FMNL2: variants seen among roughly 807,000 people sequenced by gnomAD.
FMNL2 encodes formin like 2, also known as formin-like protein 2.
FMNL2 carries 51 observed loss-of-function variants against 130.2 expected under a neutral mutation model. That is an observed-to-expected ratio of 0.39 (90% confidence interval 0.31 to 0.49). The LOEUF (loss-of-function observed/expected upper bound fraction) is 0.49. Among genes scored for constraint, FMNL2 ranks in the 20% least tolerant of loss-of-function variants. The pLI, the probability that FMNL2 is intolerant of heterozygous loss-of-function variation, is 0.85. For missense variants in FMNL2, 977 were observed against 1,316.2 expected (o/e 0.74, Z 3.99); for synonymous variants, 465 against 467.1 (o/e 1.00, Z 0.06).
At chr2:152,514,359 C>T (rs1263771220) in intron 1 of FMNL2, among the ~76,000 whole-genome samples, 1 of 152,168 alleles carries the variant, frequency 6.6e-6, no homozygotes, top group African/African-American at 2.4e-5. Context: ...CTTGGTCTCA[C>T]GCTACCCACT....
chr2:152,476,502 C>G (rs1034089963), intron 1 of FMNL2, among the ~76,000 whole-genome samples: 27 of 151,922 alleles, frequency 1.8e-4, no homozygotes, highest in African/African-American at 6.5e-4. Flanking sequence ...GAGACCCTGT[C>G]TCTATTTAAA....
At chr2:152,618,765 T>C (rs1699081008) in intron 13 of FMNL2, 81 bp from the exon 14 acceptor site, 1 of 1,264,372 alleles carries the variant, frequency 7.9e-7, no homozygotes, top group South Asian at 1.6e-5. Flanking sequence ...TTTTTTCTCT[T>C]TATCCTCAGT....
intron 1 of FMNL2, among the ~76,000 whole-genome samples, chr2:152,497,481 G>A (rs563064236): frequency 2.0e-5 from 3 of 152,054 alleles, no homozygotes; most frequent in African/African-American, 7.2e-5. Flanking sequence ...GTCAAATATT[G>A]TCACAGTTCT....
At position 152,575,504 on chromosome 2, in the gene FMNL2, T is replaced by C. The variant is rs148451777; in HGVS notation, c.705+260T>C. The stretch of plus-strand genomic sequence containing the variant: ...CTCTTTGGTTTCTTTGTATTATTTC[T>C]ATTTGAAGTAAATGCCAGGATTTAA... On this transcript the variant is annotated intron_variant, in intron 7 of 25. Transcript: ENST00000288670. Among the ~76,000 whole-genome samples, 416 of 152,334 alleles carry C rather than the reference T, an allele frequency of 2.7e-3. 3 individuals are homozygous for C. Among genetic ancestry groups the C allele is most frequent in the Non-Finnish European group, 4.5e-3 (304 of 68,036 alleles).
intron 1 of FMNL2, among the ~76,000 whole-genome samples, chr2:152,503,412 G>C (rs573637368): frequency 6.6e-6 from 1 of 152,332 alleles, no homozygotes; most frequent in East Asian, 1.9e-4. Flanking sequence ...TGGGGAATGG[G>C]AGAGGATGAG....
chr2:152,587,316 T>C (rs964284569), intron 9 of FMNL2, among the ~76,000 whole-genome samples: 6 of 152,088 alleles, frequency 3.9e-5, no homozygotes, highest in Admixed American at 1.3e-4. Flanking sequence ...TTCTTGATGA[T>C]TGGCCGTCGG....
At chr2:152,597,000 A>G (rs1222123188) in intron 9 of FMNL2, among the ~76,000 whole-genome samples, 1 of 152,240 alleles carries the variant, frequency 6.6e-6, no homozygotes, top group Non-Finnish European at 1.5e-5. Flanking sequence ...ATTTGTAACA[A>G]CATTCAGTGA....
At chr2:152,585,653 C>A (rs774323970) in intron 9 of FMNL2, among the ~76,000 whole-genome samples, 4 of 152,094 alleles carry the variant, frequency 2.6e-5, no homozygotes, top group Non-Finnish European at 4.4e-5. Flanking sequence ...GGGTTCTGGT[C>A]ATGCTTTTTC....
intron 1 of FMNL2, among the ~76,000 whole-genome samples, chr2:152,498,756 C>T (rs921339886): frequency 6.6e-6 from 1 of 152,050 alleles, no homozygotes; most frequent in South Asian, 2.1e-4. Context: ...TCTTTAAAAC[C>T]TTGAGAATAC....
chr2:152,478,243 TATA>T (rs1348723476), intron 1 of FMNL2, among the ~76,000 whole-genome samples: 116 of 36,016 alleles, frequency 3.2e-3, no homozygotes, highest in South Asian at 5.7e-3. Flanking sequence ...TATATATATA[TATA>T]TATATTTTTT....
intron 21 of FMNL2, among the ~76,000 whole-genome samples, chr2:152,635,726 G>A (rs1278901571): frequency 6.6e-6 from 1 of 152,212 alleles, no homozygotes; most frequent in Admixed American, 6.5e-5. Context: ...CCTGCCCCGG[G>A]AGGGGCCACA....
intron 1 of FMNL2, among the ~76,000 whole-genome samples, chr2:152,476,541 C>G (rs919489101): frequency 5.3e-5 from 8 of 151,988 alleles, no homozygotes; most frequent in African/African-American, 1.7e-4. Flanking sequence ...GGCATGGTGA[C>G]GCTTGCCTGT....
intron 1 of FMNL2, among the ~76,000 whole-genome samples, chr2:152,415,587 C>T (rs1026001888): frequency 6.6e-6 from 1 of 152,150 alleles, no homozygotes; most frequent in African/African-American, 2.4e-5. Context: ...TGCTGACACA[C>T]TGGTCTATTT....
intron 1 of FMNL2, among the ~76,000 whole-genome samples, chr2:152,442,020 T>C (rs1232485785): frequency 1.3e-5 from 2 of 152,002 alleles, no homozygotes; most frequent in African/African-American, 2.4e-5. Flanking sequence ...GGGGAGTTTT[T>C]TGTGTTAAAT....
chr2:152,478,197 A>T (rs1237377584), intron 1 of FMNL2, among the ~76,000 whole-genome samples: 1 of 149,358 alleles, frequency 6.7e-6, no homozygotes, highest in Non-Finnish European at 1.5e-5. Flanking sequence ...TCTGACTAAA[A>T]TGTATATACT....
At chr2:152,447,643 C>T (rs760559963) in intron 1 of FMNL2, among the ~76,000 whole-genome samples, 23 of 152,072 alleles carry the variant, frequency 1.5e-4, no homozygotes, top group Non-Finnish European at 2.9e-4. Context: ...ATTTTCACCC[C>T]ATTTCTATCT....
chr2:152,500,750 A>C (rs1354196462), intron 1 of FMNL2, among the ~76,000 whole-genome samples: 1 of 152,154 alleles, frequency 6.6e-6, no homozygotes, highest in Non-Finnish European at 1.5e-5. Flanking sequence ...CGGGAGACTG[A>C]GGCAGGGGAA....
intron 6 of FMNL2, among the ~76,000 whole-genome samples, chr2:152,564,776 G>GTTTTTTTTT (rs56378937): frequency 0.14 from 10,706 of 78,836 alleles, 1,294 homozygotes; most frequent in Middle Eastern, 0.17. Context: ...TACAAGGTTG[G>GTTTTTTTTT]TTTTTTTTTT....
At chr2:152,520,359 C>T (rs1693018456) in intron 1 of FMNL2, among the ~76,000 whole-genome samples, 1 of 151,966 alleles carries the variant, frequency 6.6e-6, no homozygotes, top group African/African-American at 2.4e-5. Flanking sequence ...TTTGGGAGGC[C>T]GAGGCGGGCG....
Sources: allele counts gnomAD v4.1 joint callset (sites outside exome capture counted in the v4.1 genomes callset), GRCh38; gene constraint gnomAD v4.1.1; transcripts MANE v1.5; gene names NCBI Gene and HGNC (gene_info 2026-07-23, HGNC 2026-07-21).